Variants in XKR4 observed in about 807,000 individuals in gnomAD.
XKR4 encodes XK related 4, also known as XK-related protein 4.
XKR4 carries 12 observed loss-of-function variants against 53.9 expected under a neutral mutation model. That is an observed-to-expected ratio of 0.22 (90% CI 0.14 to 0.36). The LOEUF (loss-of-function observed/expected upper bound fraction) is 0.36. Ranked by LOEUF, XKR4 falls within the 10% of genes least tolerant of loss-of-function variation. The pLI, the probability that XKR4 is intolerant of heterozygous loss-of-function variation, is 1.00. For synonymous variants in XKR4, 354 were observed against 362.4 expected (o/e 0.98, Z 0.26); for missense variants, 799 against 859.5 (o/e 0.93, Z 0.88).
At chr8:55,506,909 A>G (rs533367763) in intron 2 of XKR4, among the ~76,000 whole-genome samples, 90 of 152,330 alleles carry the variant, frequency 5.9e-4, no homozygotes, top group African/African-American at 2.1e-3. Context: ...CTTTTATCCA[A>G]TGACAAGAAT....
At chr8:55,349,631 G>T (rs765077241) in intron 1 of XKR4, among the ~76,000 whole-genome samples, 2 of 152,132 alleles carry the variant, frequency 1.3e-5, no homozygotes, top group African/African-American at 4.8e-5. Context: ...TGAAAATGAC[G>T]TTCAGGCAAA....
At chr8:55,300,704 C>A (rs1287985448) in intron 1 of XKR4, among the ~76,000 whole-genome samples, 1 of 152,080 alleles carries the variant, frequency 6.6e-6, no homozygotes, top group Non-Finnish European at 1.5e-5. Flanking sequence ...ACCTTCAGGG[C>A]AGCTTTACTA....
intron 2 of XKR4, among the ~76,000 whole-genome samples, chr8:55,369,116 C>T (rs1804033561): frequency 6.6e-6 from 1 of 152,040 alleles, no homozygotes; most frequent in African/African-American, 2.4e-5. Flanking sequence ...AATCCTAGCA[C>T]TTTGGGAGTC....
intron 2 of XKR4, among the ~76,000 whole-genome samples, chr8:55,420,023 A>T (rs1804901363): frequency 6.6e-6 from 1 of 152,236 alleles, no homozygotes; most frequent in African/African-American, 2.4e-5. Flanking sequence ...AACAATTGTT[A>T]TAAAAAGCCT....
intron 2 of XKR4, among the ~76,000 whole-genome samples, chr8:55,380,737 T>C (rs1201311194): frequency 6.6e-6 from 1 of 152,270 alleles, no homozygotes; most frequent in Non-Finnish European, 1.5e-5. Flanking sequence ...ACCCTGTGTG[T>C]TTCTAGGACA....
intron 1 of XKR4, among the ~76,000 whole-genome samples, chr8:55,277,161 G>A (rs1670624873): frequency 6.6e-6 from 1 of 152,134 alleles, no homozygotes; most frequent in African/African-American, 2.4e-5. Flanking sequence ...TCCCACTGAG[G>A]TCAATATGAA....
At chr8:55,448,668 T>C (rs1362026592) in intron 2 of XKR4, among the ~76,000 whole-genome samples, 3 of 152,202 alleles carry the variant, frequency 2.0e-5, no homozygotes, top group Non-Finnish European at 4.4e-5. Context: ...CTGCCCACTA[T>C]TTATCTCTCC....
At chr8:55,203,758 A>G (rs1817606777) in intron 1 of XKR4, among the ~76,000 whole-genome samples, 1 of 152,196 alleles carries the variant, frequency 6.6e-6, no homozygotes, top group Admixed American at 6.5e-5. Context: ...AGGAATGTGT[A>G]GCCAACACTG....
chr8:55,330,613 A>C (rs1803368836), intron 1 of XKR4, among the ~76,000 whole-genome samples: 1 of 152,226 alleles, frequency 6.6e-6, no homozygotes, highest in Non-Finnish European at 1.5e-5. Context: ...TGAATTCAGC[A>C]GTAATGAAGT....
intron 2 of XKR4, among the ~76,000 whole-genome samples, chr8:55,495,419 C>A (rs1027210621): frequency 1.3e-5 from 2 of 152,236 alleles, no homozygotes; most frequent in Non-Finnish European, 2.9e-5. Context: ...CTCCTGCTGG[C>A]TCCATGGAGC....
intron 2 of XKR4, chr8:55,454,131 C>G (rs1447554429): frequency 1.1e-6 from 1 of 876,750 alleles, no homozygotes; most frequent in African/African-American, 1.7e-5. Flanking sequence ...GCGAGGTCAA[C>G]CAACTCCAGC....
chr8:55,114,041 A>C (rs750977484), intron 1 of XKR4, among the ~76,000 whole-genome samples: 1 of 152,124 alleles, frequency 6.6e-6, no homozygotes, highest in Non-Finnish European at 1.5e-5. Context: ...ACATACACAC[A>C]CATTTGTTTT....
intron 1 of XKR4, among the ~76,000 whole-genome samples, chr8:55,143,466 G>A (rs150485164): frequency 0.027 from 4,056 of 152,132 alleles, 67 homozygotes; most frequent in Middle Eastern, 0.061. Context: ...TGATTTAAAA[G>A]TATAAAAAAT....
chr8:55,464,166 A>AC (rs1450746512), intron 2 of XKR4, among the ~76,000 whole-genome samples: 30 of 152,182 alleles, frequency 2.0e-4, no homozygotes, highest in Non-Finnish European at 3.8e-4. Flanking sequence ...TGGCAGAGAC[A>AC]CAACAAAAAA....
chr8:55,225,413 T>C (rs1186451852), intron 1 of XKR4, among the ~76,000 whole-genome samples: 2 of 152,226 alleles, frequency 1.3e-5, no homozygotes, highest in African/African-American at 2.4e-5. Flanking sequence ...TATTAGCCAT[T>C]TTGCATTGCC....
At chr8:55,473,737 T>C (rs1214878193) in intron 2 of XKR4, among the ~76,000 whole-genome samples, 1 of 152,126 alleles carries the variant, frequency 6.6e-6, no homozygotes, top group African/African-American at 2.4e-5. Context: ...ATATTGGCTA[T>C]AATGGTTTAC....
intron 2 of XKR4, among the ~76,000 whole-genome samples, chr8:55,431,137 ATG>A (rs1805098110): frequency 6.6e-6 from 1 of 152,224 alleles, no homozygotes; most frequent in African/African-American, 2.4e-5. Context: ...AATAAGTCAA[ATG>A]TAGTGGAAGT....
intron 1 of XKR4, among the ~76,000 whole-genome samples, chr8:55,280,719 G>T (rs1048103414): frequency 3.9e-5 from 6 of 152,132 alleles, no homozygotes; most frequent in Admixed American, 3.9e-4. Context: ...CTTGATTTTA[G>T]ATGTGAAAAC....
chr8:55,346,683 T>TTGTG (rs1438938737), intron 1 of XKR4, among the ~76,000 whole-genome samples: 2 of 55,522 alleles, frequency 3.6e-5, no homozygotes, highest in African/African-American at 2.1e-4. Flanking sequence ...CCTGTTGAGG[T>TTGTG]TATGTGTGTG....
Sources: gnomAD v4.1 joint callset for allele counts (sites outside exome capture counted in the v4.1 genomes callset) on GRCh38, gnomAD v4.1.1 for gene constraint, MANE v1.5 for transcripts, NCBI Gene and HGNC (gene_info 2026-07-23, HGNC 2026-07-21) for gene names.